Variants in CNTN5 observed in about 807,000 individuals in gnomAD.
CNTN5 encodes the protein contactin 5.
Under a neutral mutation model 129.1 loss-of-function variants are expected in CNTN5, and 77 were observed. The ratio of observed to expected loss-of-function variants is 0.60; its 90% confidence interval spans 0.50 to 0.72. The LOEUF (loss-of-function observed/expected upper bound fraction) is 0.72, where lower values mean the gene tolerates loss of function less well. CNTN5 is among the 30% of genes least tolerant of loss of function. The pLI is 0.00. For synonymous variants in CNTN5, 509 were observed against 465.6 expected, an observed-to-expected ratio of 1.09 and a Z score of -1.20; for missense variants, 1,478 against 1,328.8, an observed-to-expected ratio of 1.11 and a Z score of -1.75.
intron 8 of CNTN5, among the ~76,000 whole-genome samples, chr11:99,998,344 ATTC>A (rs911614134): frequency 4.5e-4 from 67 of 148,922 alleles, no homozygotes; most frequent in Non-Finnish European, 7.9e-4. Flanking sequence ...AATCACAAGC[ATTC>A]TTCTACACCA....
chr11:100,015,762 A>G (rs548097504), intron 9 of CNTN5, among the ~76,000 whole-genome samples: 2 of 152,270 alleles, frequency 1.3e-5, no homozygotes, highest in African/African-American at 4.8e-5. Flanking sequence ...TCATGACCCT[A>G]TATTAAAATT....
chr11:99,134,786 C>A (rs2155559), intron 1 of CNTN5, among the ~76,000 whole-genome samples: 1 of 152,146 alleles, frequency 6.6e-6, no homozygotes, highest in Admixed American at 6.6e-5. Context: ...TATTGTGGAA[C>A]AATGCACAGC....
intron 20 of CNTN5, among the ~76,000 whole-genome samples, chr11:100,305,849 G>C (rs1951336300): frequency 6.6e-6 from 1 of 151,310 alleles, no homozygotes; most frequent in African/African-American, 2.4e-5. Flanking sequence ...TACCATTCAG[G>C]GATGTTCAAT....
intron 2 of CNTN5, among the ~76,000 whole-genome samples, chr11:99,551,012 A>G (rs746891620): frequency 1.3e-5 from 2 of 152,184 alleles, no homozygotes; most frequent in Non-Finnish European, 2.9e-5. Context: ...GCTATAATGT[A>G]CGTATGAAAT....
chr11:99,673,764 G>A (rs1253995044), intron 3 of CNTN5, among the ~76,000 whole-genome samples: 7 of 148,204 alleles, frequency 4.7e-5, no homozygotes, highest in Non-Finnish European at 1.5e-5. Flanking sequence ...TGTCCCTGCA[G>A]AAAAAAAAAA....
chr11:99,854,191 C>T (rs1947962509), intron 6 of CNTN5, among the ~76,000 whole-genome samples: 1 of 152,104 alleles, frequency 6.6e-6, no homozygotes, highest in African/African-American at 2.4e-5. Flanking sequence ...ACCACTTTTT[C>T]TATTTCCTAA....
intron 21 of CNTN5, among the ~76,000 whole-genome samples, chr11:100,327,638 C>A (rs570612375): frequency 1.3e-3 from 204 of 152,232 alleles, no homozygotes; most frequent in Non-Finnish European, 2.3e-3. Flanking sequence ...ACTGTAACTC[C>A]AAGAGGGCAG....
intron 15 of CNTN5, among the ~76,000 whole-genome samples, chr11:100,213,540 G>A (rs1283467391): frequency 6.6e-6 from 1 of 152,140 alleles, no homozygotes; most frequent in Non-Finnish European, 1.5e-5. Flanking sequence ...GCCTAGCTAA[G>A]ACTTGTTATT....
intron 15 of CNTN5, among the ~76,000 whole-genome samples, chr11:100,199,276 T>A (rs187873013): frequency 6.6e-6 from 1 of 152,028 alleles, no homozygotes; most frequent in East Asian, 1.9e-4. Flanking sequence ...CACACTTTCA[T>A]GTAAATGGTC....
intron 16 of CNTN5, among the ~76,000 whole-genome samples, chr11:100,229,498 C>A (rs1045478807): frequency 1.3e-5 from 2 of 152,150 alleles, no homozygotes; most frequent in African/African-American, 4.8e-5. Context: ...GATTAAATAT[C>A]TCCAAATTCT....
chr11:99,929,752 G>A (rs1037665661), intron 7 of CNTN5, among the ~76,000 whole-genome samples: 5 of 152,120 alleles, frequency 3.3e-5, no homozygotes, highest in African/African-American at 1.2e-4. Context: ...TGGAGATTAT[G>A]GGAGCTACAA....
intron 1 of CNTN5, among the ~76,000 whole-genome samples, chr11:99,302,555 ATAATT>A (rs1289715848): frequency 4.6e-5 from 7 of 151,786 alleles, no homozygotes; most frequent in Non-Finnish European, 1.0e-4. Context: ...GATACATGTG[ATAATT>A]TAATACCTTC....
In CNTN5 at chr11:100,241,251, G is replaced by C. The variant is rs1352319021; in HGVS notation, c.2006-14509G>C. ...TGTAAAAATACATCCTAAAATATCT[G>C]TTTTCCATTTCAGGATCACCTTCGA... On this transcript the variant is annotated intron_variant, in intron 16 of 24. Transcript: ENST00000524871. Among the ~76,000 whole-genome samples the C allele has an allele frequency of 5.3e-5, 8 of 152,112 alleles. No individual in the cohort carries two copies. The East Asian group carries it at 1.5e-3, about 29-fold the overall frequency.
At chr11:99,060,087 T>G in intron 1 of CNTN5, among the ~76,000 whole-genome samples, 1 of 152,044 alleles carries the variant, frequency 6.6e-6, no homozygotes, top group East Asian at 1.9e-4. Flanking sequence ...TATTTTAAAG[T>G]TAATTAAACT....
intron 15 of CNTN5, among the ~76,000 whole-genome samples, chr11:100,220,065 C>T (rs960317528): frequency 7.2e-5 from 11 of 151,906 alleles, no homozygotes; most frequent in South Asian, 4.1e-4. Flanking sequence ...ATCATGAGGT[C>T]GAGAGATCGA....
chr11:99,215,683 A>T (rs1860079378), intron 1 of CNTN5, among the ~76,000 whole-genome samples: 1 of 152,198 alleles, frequency 6.6e-6, no homozygotes, highest in African/African-American at 2.4e-5. Flanking sequence ...CTTTAAAATC[A>T]TGATCAGTAC....
At chr11:99,608,372 G>A (rs1287005052) in intron 3 of CNTN5, among the ~76,000 whole-genome samples, 1 of 152,074 alleles carries the variant, frequency 6.6e-6, no homozygotes, top group African/African-American at 2.4e-5. Flanking sequence ...TAGGTAGTAA[G>A]GGCAATGCAT....
intron 1 of CNTN5, among the ~76,000 whole-genome samples, chr11:99,123,843 G>A (rs1329049939): frequency 1.3e-5 from 2 of 151,986 alleles, no homozygotes; most frequent in Non-Finnish European, 2.9e-5. Context: ...CTTTTTCAAA[G>A]TTCAGGTGGT....
intron 1 of CNTN5, among the ~76,000 whole-genome samples, chr11:99,308,362 A>G (rs1485730304): frequency 6.6e-6 from 1 of 152,192 alleles, no homozygotes; most frequent in African/African-American, 2.4e-5. Context: ...AGTGCCTTCA[A>G]AAGCTAAGAA....
Sources: gnomAD v4.1 joint callset for allele counts (sites outside exome capture counted in the v4.1 genomes callset) on GRCh38, gnomAD v4.1.1 for gene constraint, MANE v1.5 for transcripts, NCBI Gene and HGNC (gene_info 2026-07-23, HGNC 2026-07-21) for gene names.